The following CSMD3 variants were observed in gnomAD, a reference collection of about 807,000 sequenced individuals.
CSMD3 encodes the protein CUB and sushi domain-containing protein 3.
In CSMD3, 177 loss-of-function variants were observed where a neutral mutation model predicts 435.2. The ratio of observed to expected loss-of-function variants is 0.41; its 90% CI spans 0.36 to 0.46. CSMD3 has a LOEUF of 0.46. Among genes scored for constraint, CSMD3 ranks in the 20% least tolerant of loss-of-function variants. CSMD3 has a pLI of 0.34. For missense variants in CSMD3, 4,265 were observed against 4,504.6 expected (o/e 0.95, Z 1.52); for synonymous variants, 1,656 against 1,520.5 (o/e 1.09, Z -2.07).
chr8:112,470,923 AAC>A (rs1818459693), intron 32 of CSMD3, among the ~76,000 whole-genome samples: 2 of 151,842 alleles, frequency 1.3e-5, no homozygotes, highest in South Asian at 2.1e-4. Flanking sequence ...ATTTAAAAAA[AAC>A]AGTTTTAAAA....
intron 13 of CSMD3, among the ~76,000 whole-genome samples, chr8:112,772,551 G>A (rs554859048): frequency 4.6e-5 from 7 of 151,986 alleles, no homozygotes; most frequent in Non-Finnish European, 1.0e-4. Flanking sequence ...ATATGGCCTC[G>A]TGGGAAGGGA....
intron 39 of CSMD3, among the ~76,000 whole-genome samples, chr8:112,351,891 C>T (rs971570847): frequency 6.6e-6 from 1 of 150,538 alleles, no homozygotes; most frequent in Non-Finnish European, 1.5e-5. Context: ...CTGGGACCCT[C>T]GACAAAAAAA....
intron 13 of CSMD3, among the ~76,000 whole-genome samples, chr8:112,779,402 T>A (rs1356216938): frequency 4.6e-5 from 7 of 152,066 alleles, no homozygotes; most frequent in Admixed American, 4.6e-4. Context: ...AAAATGCAAG[T>A]AGAGCTTTAA....
intron 4 of CSMD3, among the ~76,000 whole-genome samples, chr8:113,105,629 T>TAG (rs1487092357): frequency 6.6e-6 from 1 of 152,110 alleles, no homozygotes; most frequent in Non-Finnish European, 1.5e-5. Flanking sequence ...AGCTAGAATA[T>TAG]AGAGTCCACT....
intron 27 of CSMD3, among the ~76,000 whole-genome samples, chr8:112,530,837 A>T (rs1825456081): frequency 6.6e-6 from 1 of 152,194 alleles, no homozygotes; most frequent in Non-Finnish European, 1.5e-5. Flanking sequence ...ACACCAGGCA[A>T]GATAGAAATC....
At chr8:113,165,708 G>A (rs572441002) in intron 4 of CSMD3, among the ~76,000 whole-genome samples, 11 of 152,010 alleles carry the variant, frequency 7.2e-5, no homozygotes, top group South Asian at 4.2e-4. Context: ...TCTCTTTATC[G>A]TCAAAGAAAA....
chr8:112,971,393 G>C (rs1027217036), intron 7 of CSMD3, among the ~76,000 whole-genome samples: 2 of 152,142 alleles, frequency 1.3e-5, no homozygotes, highest in Non-Finnish European at 2.9e-5. Context: ...ACAAGGGGCA[G>C]AGTATAGTCT....
chr8:112,584,666 G>T (rs2131343039), intron 23 of CSMD3, among the ~76,000 whole-genome samples: 1 of 151,728 alleles, frequency 6.6e-6, no homozygotes, highest in East Asian at 1.9e-4. Flanking sequence ...CTCATATAAG[G>T]ATTACAAGAC....
At chr8:112,904,832 A>C (rs961702997) in intron 10 of CSMD3, among the ~76,000 whole-genome samples, 3 of 151,344 alleles carry the variant, frequency 2.0e-5, no homozygotes, top group African/African-American at 7.3e-5. Context: ...GATTTGGGAC[A>C]AGTGCAAAGA....
intron 35 of CSMD3, among the ~76,000 whole-genome samples, chr8:112,394,967 A>C (rs1216565025): frequency 1.3e-5 from 2 of 152,168 alleles, no homozygotes; most frequent in African/African-American, 4.8e-5. Flanking sequence ...TGTGCTTTCA[A>C]ATTACCTCTT....
In CSMD3 at chr8:112,636,979, G is replaced by A. The variant is rs2131582007; in HGVS notation, c.3553C>T (p.Pro1185Ser). ...CGACTACCATATTGAGGAATGCCAG[G>A]ATCTTCACAAGGTTCAAGGTTATAT... Reference protein sequence around the residue: ...SEYNLEPCEDPGIPQYGSRIG... With the variant: ...SEYNLEPCEDSGIPQYGSRIG... The change falls in exon 22 of 71, where the codon CCT (proline) becomes TCT (serine). Residue 1185 changes from proline (P) to serine (S), a missense_variant. Pro to Ser is a moderately conservative substitution (Grantham distance 74). Transcript: ENST00000297405. 6.2e-7 allele frequency: 1 copy of A among 1,613,636 alleles called. No individual in the cohort carries two copies. The highest frequency in any genetic ancestry group is 8.5e-7 in the Non-Finnish European group (1 of 1,179,738).
chr8:113,265,094 A>C (rs1208932782), intron 3 of CSMD3, among the ~76,000 whole-genome samples: 1 of 151,622 alleles, frequency 6.6e-6, no homozygotes, highest in African/African-American at 2.4e-5. Context: ...TAAACGTGTC[A>C]TATCTGTCAA....
chr8:112,388,488 GAGTC>G (rs1830150517), intron 36 of CSMD3, among the ~76,000 whole-genome samples: 1 of 152,152 alleles, frequency 6.6e-6, no homozygotes, highest in African/African-American at 2.4e-5. Flanking sequence ...TACCGAGTAA[GAGTC>G]AGAAAAGAAT....
chr8:113,434,690 T>C (rs2094694603), intron 1 of CSMD3, among the ~76,000 whole-genome samples: 1 of 152,210 alleles, frequency 6.6e-6, no homozygotes. Flanking sequence ...TGACATACTC[T>C]TCCTTCTCAA....
chr8:113,042,367 T>C (rs2087659836), intron 5 of CSMD3, among the ~76,000 whole-genome samples: 1 of 152,198 alleles, frequency 6.6e-6, no homozygotes, highest in Non-Finnish European at 1.5e-5. Context: ...ATTAATACTA[T>C]GTCTTTGCAG....
At chr8:112,771,958 C>G (rs1332131239) in intron 13 of CSMD3, among the ~76,000 whole-genome samples, 2 of 151,966 alleles carry the variant, frequency 1.3e-5, no homozygotes, top group Non-Finnish European at 2.9e-5. Flanking sequence ...TATACTCAAA[C>G]ACACAATTGA....
At chr8:112,358,591 A>C (rs1192978706) in intron 38 of CSMD3, among the ~76,000 whole-genome samples, 1 of 152,148 alleles carries the variant, frequency 6.6e-6, no homozygotes, top group Non-Finnish European at 1.5e-5. Flanking sequence ...ACAAGATCTG[A>C]CGGTCTTTAA....
chr8:113,260,011 C>A (rs1037400242), intron 3 of CSMD3, among the ~76,000 whole-genome samples: 2 of 152,074 alleles, frequency 1.3e-5, no homozygotes, highest in African/African-American at 4.8e-5. Context: ...GGGATTTCCT[C>A]CTTTACTCAG....
chr8:112,977,207 A>G (rs537955545), intron 6 of CSMD3, among the ~76,000 whole-genome samples: 37 of 152,134 alleles, frequency 2.4e-4, no homozygotes, highest in Admixed American at 2.2e-3. Context: ...AAAATCCTTA[A>G]CAGCAACAAC....
Sources: allele counts gnomAD v4.1 joint callset (sites outside exome capture counted in the v4.1 genomes callset), GRCh38; gene constraint gnomAD v4.1.1; transcripts MANE v1.5; gene names NCBI Gene and HGNC (gene_info 2026-07-23, HGNC 2026-07-21).